The following ASTN2 variants were observed in gnomAD, a reference collection of about 807,000 sequenced individuals.
The protein encoded by ASTN2 is astrotactin 2, also known as astrotactin-2.
ASTN2 carries 54 observed loss-of-function variants against 139.8 expected under a neutral mutation model. The observed-to-expected ratio is 0.39, with a 90% CI of 0.31 to 0.48. The LOEUF is 0.48. ASTN2 is among the 20% of genes least tolerant of loss of function. ASTN2 has a pLI of 0.95. For synonymous variants in ASTN2, 756 were observed against 719.5 expected (o/e 1.05, Z -0.81); for missense variants, 1,565 against 1,725.1 (o/e 0.91, Z 1.64).
chr9:116,692,197 C>T (rs1390437782), intron 16 of ASTN2, among the ~76,000 whole-genome samples: 1 of 152,196 alleles, frequency 6.6e-6, no homozygotes, highest in African/African-American at 2.4e-5. Flanking sequence ...GGTGGCAATT[C>T]AAGCATTAGG....
chr9:116,609,320 C>CTATA lies in ASTN2; in HGVS notation c.3355+9003_3355+9004insTATA, dbSNP rs1287718877. On this transcript the variant is annotated intron_variant, in intron 19 of 22. Coordinates refer to ENST00000313400, the MANE Select transcript of ASTN2 (RefSeq NM_001365068.1). ...GATCTCTCTCTCTCTCTCTCTCTCT[C>CTATA]TCTCTCTCTATATATATATACACAC... 2.3e-4 allele frequency among the ~76,000 whole-genome samples: 28 copies of CTATA among 120,774 alleles called. No individual in the cohort carries two copies. In the South Asian group the frequency reaches 2.5e-3, roughly 11 times the overall value. The allele number at this position is 120,774 out of a possible 152,430, so 79.2% of individuals were successfully genotyped here.
At chr9:116,921,180 G>T (rs1185406547) in intron 10 of ASTN2, among the ~76,000 whole-genome samples, 5 of 152,100 alleles carry the variant, frequency 3.3e-5, no homozygotes, top group Non-Finnish European at 4.4e-5. Flanking sequence ...GATCTCACAA[G>T]AATTCACTAT....
Position 116,976,932 on chromosome 9 carries a change from A to G in ASTN2, c.1592-147T>C, listed in dbSNP as rs566075599. The G allele has an allele frequency of 4.1e-5, 27 of 651,088 alleles. No individual in the cohort carries two copies. In the Admixed American group the frequency reaches 4.6e-4, roughly 11 times the overall value. The allele number at this position is 651,088 out of a possible 1,614,324, so 40.3% of individuals were successfully genotyped here. A position where few individuals can be genotyped will look rare whatever the true frequency, so the allele number is the denominator to read the frequency against. The stretch of plus-strand genomic sequence containing the variant: ...AAGAGGGTAATCTTGTCCATCAACC[A>G]CTGTGGTTAACAGAGTTTATTCCTT... On this transcript the variant is annotated intron_variant, in intron 7 of 22. Transcript: ENST00000313400.
intron 1 of ASTN2, among the ~76,000 whole-genome samples, chr9:117,373,965 A>G (rs1012541086): frequency 2.6e-5 from 4 of 152,206 alleles, no homozygotes; most frequent in African/African-American, 9.6e-5. Context: ...CAGCAGCAGA[A>G]CATACGCTTA....
intron 16 of ASTN2, among the ~76,000 whole-genome samples, chr9:116,652,301 G>C (rs371357685): frequency 2.6e-5 from 4 of 151,940 alleles, no homozygotes; most frequent in East Asian, 3.9e-4. Context: ...ACACCAACCT[G>C]GGCAAGAGAG....
At chr9:116,730,184 C>T (rs1052621576) in intron 14 of ASTN2, among the ~76,000 whole-genome samples, 15 of 152,164 alleles carry the variant, frequency 9.9e-5, no homozygotes, top group Non-Finnish European at 1.8e-4. Flanking sequence ...TTTCTTGTGC[C>T]TCTGCAAATG....
rs118136804 is a variant in ASTN2 at position 117,290,035 on chromosome 9, T to C, written c.630+1291A>G. ...GAGACTAAAACTAAAGGTCGCTCCG[T>C]TGTGGAGTCTCAAAAAATACTGCTG... On this transcript the variant is annotated intron_variant, in intron 2 of 22. Transcript: ENST00000313400. Among the ~76,000 whole-genome samples, 1,159 of 152,334 alleles carry C rather than the reference T, an allele frequency of 7.6e-3. 13 individuals carry two copies. The highest frequency in any genetic ancestry group is 0.018 in the South Asian group (89 of 4,828).
At chr9:117,266,517 A>G (rs1372170432) in intron 2 of ASTN2, among the ~76,000 whole-genome samples, 1 of 152,234 alleles carries the variant, frequency 6.6e-6, no homozygotes, top group Non-Finnish European at 1.5e-5. Context: ...TGACAGTGCC[A>G]TGGAGATGCC....
intron 3 of ASTN2, among the ~76,000 whole-genome samples, chr9:117,148,088 G>T (rs193147981): frequency 6.6e-6 from 1 of 152,180 alleles, no homozygotes; most frequent in Admixed American, 6.5e-5. Flanking sequence ...CACCATGGAG[G>T]TTCCAGGGTT....
chr9:116,645,684 C>T (rs1260243907), intron 17 of ASTN2, among the ~76,000 whole-genome samples: 3 of 152,188 alleles, frequency 2.0e-5, no homozygotes, highest in South Asian at 2.1e-4. Context: ...GAGGAACTTC[C>T]ACTCTGCATT....
intron 13 of ASTN2, among the ~76,000 whole-genome samples, chr9:116,737,450 C>T (rs541213843): frequency 4.4e-5 from 6 of 134,844 alleles, no homozygotes; most frequent in Non-Finnish European, 6.2e-5. Context: ...TCTTAGCGCT[C>T]GTGTGTGTGT....
chr9:116,434,453 G>T (rs1057190596), intron 22 of ASTN2, among the ~76,000 whole-genome samples: 2 of 152,194 alleles, frequency 1.3e-5, no homozygotes, highest in Non-Finnish European at 2.9e-5. Flanking sequence ...CAGTGGATGT[G>T]TAACTCTTTT....
At chr9:117,268,107 C>A (rs1478875331) in intron 2 of ASTN2, among the ~76,000 whole-genome samples, 1 of 152,182 alleles carries the variant, frequency 6.6e-6, no homozygotes, top group African/African-American at 2.4e-5. Flanking sequence ...TACCACCCTG[C>A]CAAGTCTTTC....
intron 1 of ASTN2, among the ~76,000 whole-genome samples, chr9:117,337,359 T>G (rs1828919940): frequency 6.6e-6 from 1 of 152,162 alleles, no homozygotes; most frequent in Non-Finnish European, 1.5e-5. Context: ...TTAAGGCCTA[T>G]CCTAATAAAC....
intron 20 of ASTN2, among the ~76,000 whole-genome samples, chr9:116,485,196 C>T (rs536681465): frequency 6.6e-6 from 1 of 152,158 alleles, no homozygotes; most frequent in Non-Finnish European, 1.5e-5. Context: ...TCCATGATCC[C>T]TTCAAGTCCT....
intron 3 of ASTN2, among the ~76,000 whole-genome samples, chr9:117,197,692 A>G (rs1252387514): frequency 6.6e-6 from 1 of 152,204 alleles, no homozygotes; most frequent in Non-Finnish European, 1.5e-5. Context: ...AAATAAAACA[A>G]TATATTAGCC....
In ASTN2 at chr9:116,820,803, C is replaced by T. The variant is rs1831465389; in HGVS notation, c.2041-20G>A. The T allele has an allele frequency of 1.2e-6, 2 of 1,603,968 alleles. No homozygotes were observed. The highest frequency in any genetic ancestry group is 1.3e-5 in the African/African-American group (1 of 74,728). On this transcript the variant is annotated intron_variant, in intron 11 of 22. Coordinates refer to ENST00000313400, the MANE Select transcript of ASTN2 (RefSeq NM_001365068.1). The stretch of plus-strand genomic sequence containing the variant: ...AGGGCACTGCTCAGAGAGAGGGCAA[C>T]AGGGTAGTTATGGCTTGGGAGGTTG...
chr9:117,105,794 TG>T (rs1273865956), intron 4 of ASTN2, among the ~76,000 whole-genome samples: 74 of 152,302 alleles, frequency 4.9e-4, no homozygotes, highest in African/African-American at 1.7e-3. Flanking sequence ...ACGGTGTGAC[TG>T]AAAAATATAT....
chr9:116,888,657 G>A (rs1366876473), intron 10 of ASTN2, among the ~76,000 whole-genome samples: 1 of 151,594 alleles, frequency 6.6e-6, no homozygotes, highest in Non-Finnish European at 1.5e-5. Context: ...TGAGTAGCTA[G>A]AATTACAGGC....
Sources: allele counts gnomAD v4.1 joint callset (sites outside exome capture counted in the v4.1 genomes callset), GRCh38; gene constraint gnomAD v4.1.1; transcripts MANE v1.5; gene names NCBI Gene and HGNC (gene_info 2026-07-23, HGNC 2026-07-21).